Variants in NALCN observed in about 807,000 individuals in gnomAD.
The protein encoded by NALCN is sodium leak channel NALCN.
A neutral mutation model predicts 225.3 loss-of-function variants in NALCN; 111 were observed. That is an observed-to-expected ratio of 0.49 (90% CI 0.42 to 0.58). The LOEUF (loss-of-function observed/expected upper bound fraction) is 0.58. Ranked by LOEUF, NALCN falls within the 20% of genes least tolerant of loss-of-function variation. The pLI, the probability that NALCN is intolerant of heterozygous loss-of-function variation, is 0.00. For synonymous variants in NALCN, 764 were observed against 769.0 expected (o/e 0.99, Z 0.11); for missense variants, 1,378 against 2,202.4 (o/e 0.63, Z 7.49).
chr13:101,061,939 C>A, intron 41 of NALCN, 29 bp downstream of exon 41: 1 of 1,596,650 alleles, frequency 6.3e-7, no homozygotes, highest in South Asian at 1.1e-5. Context: ...GGGGCGGGGA[C>A]CCAACCTGCA....
chr13:101,093,857 G>A (rs939310993), intron 28 of NALCN, among the ~76,000 whole-genome samples: 1 of 152,086 alleles, frequency 6.6e-6, no homozygotes, highest in African/African-American at 2.4e-5. Context: ...ACCCCGGTTT[G>A]AGGAAAGGAA....
intron 15 of NALCN, among the ~76,000 whole-genome samples, chr13:101,173,261 TACA>T (rs1252795045): frequency 2.0e-5 from 3 of 152,238 alleles, no homozygotes; most frequent in East Asian, 1.9e-4. Flanking sequence ...CTTTGTTATC[TACA>T]ACATCATTAT....
At chr13:101,189,191 A>G (rs2039578879) in intron 14 of NALCN, among the ~76,000 whole-genome samples, 2 of 152,164 alleles carry the variant, frequency 1.3e-5, no homozygotes, top group African/African-American at 2.4e-5. Context: ...AAATTTAGTG[A>G]AATATGTTCT....
At chr13:101,108,824 C>G (rs1001812134) in intron 20 of NALCN, among the ~76,000 whole-genome samples, 5 of 152,152 alleles carry the variant, frequency 3.3e-5, no homozygotes, top group African/African-American at 9.7e-5. Flanking sequence ...TCTGTGTCTG[C>G]TATCATTCAG....
At chr13:101,388,428 A>C (rs1468573019) in intron 3 of NALCN, among the ~76,000 whole-genome samples, 1 of 145,954 alleles carries the variant, frequency 6.9e-6, no homozygotes, top group African/African-American at 2.5e-5. Flanking sequence ...GAAAATAAAA[A>C]AAAAAATTTT....
In NALCN at chr13:101,170,003, A is replaced by T. The variant is rs144777531; in HGVS notation, c.1839+6297T>A. Among the ~76,000 whole-genome samples, 181 of 152,338 alleles carry T rather than the reference A, an allele frequency of 1.2e-3. 1 individual carries two copies. The highest frequency in any genetic ancestry group is 4.3e-3 in the African/African-American group (177 of 41,582). On this transcript the variant is annotated intron_variant, in intron 15 of 43. Coordinates refer to ENST00000251127, the MANE Select transcript of NALCN (RefSeq NM_052867.4). ...TGCAACCAGTGCTCAGCCGAATGGC[A>T]TCTTCCAGCAGTATCCCTGCCACCT...
At chr13:101,371,848 G>A (rs1055528696) in intron 6 of NALCN, among the ~76,000 whole-genome samples, 2 of 152,144 alleles carry the variant, frequency 1.3e-5, no homozygotes, top group African/African-American at 2.4e-5. Context: ...TCACCACCAG[G>A]CTGGGCTCAG....
chr13:101,178,029 C>G (rs888872727), intron 14 of NALCN, among the ~76,000 whole-genome samples: 1 of 150,384 alleles, frequency 6.6e-6, no homozygotes, highest in East Asian at 1.9e-4. Flanking sequence ...ATTAACATCA[C>G]CATGACTGGT....
chr13:101,104,477 T>C lies in NALCN; in HGVS notation c.2758-51A>G, dbSNP rs766140817. 1 of 1,612,920 alleles carries C rather than the reference T, an allele frequency of 6.2e-7. No individual in the cohort carries two copies. Among genetic ancestry groups the C allele is most frequent in the Admixed American group, 1.7e-5 (1 of 59,974 alleles). ...TTACAATGAACGGAAAAACAGCAGG[T>C]CAGTATTTTACCTCCTAGTTGTAAG... On this transcript the variant is annotated intron_variant, in intron 24 of 43. Transcript: ENST00000251127. The surrounding 1 kb of genome is among the most constrained non-coding windows in gnomAD (Gnocchi z 4.2).
intron 15 of NALCN, among the ~76,000 whole-genome samples, chr13:101,159,970 T>TTTA (rs2038085425): frequency 6.6e-6 from 1 of 152,014 alleles, no homozygotes; most frequent in East Asian, 1.9e-4. Flanking sequence ...TTTATTTTAT[T>TTTA]TTGAGACGGA....
At chr13:101,354,447 CT>C (rs1207937416) in intron 6 of NALCN, among the ~76,000 whole-genome samples, 10 of 152,176 alleles carry the variant, frequency 6.6e-5, no homozygotes, top group Admixed American at 6.5e-4. Context: ...AGTCCACTGT[CT>C]TTGACTTTTA....
chr13:101,157,041 T>C (rs919349004), intron 15 of NALCN, among the ~76,000 whole-genome samples: 12 of 152,182 alleles, frequency 7.9e-5, no homozygotes, highest in African/African-American at 2.9e-4. Context: ...GAAATAGGGA[T>C]AACATTAAAG....
chr13:101,340,678 C>G (rs1347138299), intron 7 of NALCN, among the ~76,000 whole-genome samples: 2 of 152,110 alleles, frequency 1.3e-5, no homozygotes, highest in South Asian at 4.1e-4. Context: ...TGATCTAAAC[C>G]CCAGGGCCAT....
chr13:101,097,919 C>T (rs2034602221), intron 27 of NALCN, among the ~76,000 whole-genome samples: 1 of 152,206 alleles, frequency 6.6e-6, no homozygotes, highest in African/African-American at 2.4e-5. Context: ...GTAATCTAAT[C>T]TTCATAATAT....
chr13:101,084,706 C>T (rs760795467), intron 30 of NALCN, among the ~76,000 whole-genome samples: 13 of 152,148 alleles, frequency 8.5e-5, no homozygotes, highest in East Asian at 1.9e-4. Flanking sequence ...ATCCACTGTA[C>T]GAATATCCGA....
rs1566774659 is a variant in NALCN, at chr13:101,065,398, T to C, written c.4604+6A>G. ...CCATTCAGCCCTGCGAAAGCCTGCCTTGTACCTCAGGACATCATGGAAGGT... is the reference window on the plus strand; with the variant it reads ...CCATTCAGCCCTGCGAAAGCCTGCCCTGTACCTCAGGACATCATGGAAGGT... On this transcript the variant is annotated splice_donor_region_variant and intron_variant, in intron 40 of 43. Coordinates refer to ENST00000251127, the MANE Select transcript of NALCN (RefSeq NM_052867.4). 1.2e-6 allele frequency: 2 copies of C among 1,614,066 alleles called. No homozygotes were observed. The highest frequency in any genetic ancestry group is 1.3e-5 in the African/African-American group (1 of 75,066).
chr13:101,207,150 C>T (rs1393956576), intron 13 of NALCN, among the ~76,000 whole-genome samples: 1 of 152,106 alleles, frequency 6.6e-6, no homozygotes, highest in Non-Finnish European at 1.5e-5. Context: ...GGATAAGATG[C>T]TTTTTAGTGT....
chr13:101,391,223 A>G (rs2047134868), intron 3 of NALCN, among the ~76,000 whole-genome samples: 1 of 152,196 alleles, frequency 6.6e-6, no homozygotes, highest in African/African-American at 2.4e-5. Context: ...CAAAATGCTA[A>G]TCAAAATAAC....
intron 10 of NALCN, among the ~76,000 whole-genome samples, chr13:101,266,531 A>T (rs2042603126): frequency 6.6e-6 from 1 of 152,238 alleles, no homozygotes; most frequent in Admixed American, 6.5e-5. Context: ...GATAATGAAT[A>T]GTACAGCTCA....
Sources: gnomAD v4.1 joint callset for allele counts (sites outside exome capture counted in the v4.1 genomes callset) on GRCh38, gnomAD v4.1.1 for gene constraint, Gnocchi (gnomAD v3.1) non-coding constraint, MANE v1.5 for transcripts, NCBI Gene and HGNC (gene_info 2026-07-23, HGNC 2026-07-21) for gene names.